The following RBFOX1 variants were observed in gnomAD, a reference collection of about 807,000 sequenced individuals.
RBFOX1 encodes the protein RNA binding fox-1 homolog 1.
RBFOX1 carries 8 observed loss-of-function variants against 57.7 expected under a neutral mutation model. The observed-to-expected ratio is 0.14, with a 90% CI of 0.08 to 0.25. RBFOX1 has a LOEUF of 0.25. Among genes scored for constraint, RBFOX1 ranks in the 10% least tolerant of loss-of-function variants. RBFOX1 has a pLI of 1.00. For missense variants in RBFOX1, 611 were observed against 548.5 expected, an observed-to-expected ratio of 1.11 and a Z score of -1.14; for synonymous variants, 326 against 222.4, an observed-to-expected ratio of 1.47 and a Z score of -4.15.
At chr16:6,771,285 A>G (rs2078248967) in intron 3 of RBFOX1, among the ~76,000 whole-genome samples, 1 of 152,182 alleles carries the variant, frequency 6.6e-6, no homozygotes. Context: ...CACACAGTCT[A>G]CGGTGCTTTG....
intron 4 of RBFOX1, among the ~76,000 whole-genome samples, chr16:7,344,474 T>C (rs1037711327): frequency 4.7e-5 from 7 of 150,528 alleles, no homozygotes; most frequent in African/African-American, 1.2e-4. Context: ...AATATATAAC[T>C]ACATAATGCC....
At chr16:5,955,634 G>A (rs1293933717) in intron 4 of RBFOX1, among the ~76,000 whole-genome samples, 1 of 152,028 alleles carries the variant, frequency 6.6e-6, no homozygotes, top group Non-Finnish European at 1.5e-5. Flanking sequence ...GATGAGCACT[G>A]TTGTTATTAT....
chr16:5,416,834 A>T (rs1316138306), intron 1 of RBFOX1, among the ~76,000 whole-genome samples: 3 of 152,170 alleles, frequency 2.0e-5, no homozygotes, highest in Non-Finnish European at 1.5e-5. Context: ...ATCTACATTC[A>T]GTAAGAGGAG....
intron 3 of RBFOX1, among the ~76,000 whole-genome samples, chr16:5,616,816 C>T (rs1158540149): frequency 6.7e-6 from 1 of 149,896 alleles, no homozygotes; most frequent in Non-Finnish European, 1.5e-5. Context: ...CCCCCTCCTC[C>T]ATCCTCTTCT....
At chr16:5,868,372 A>C (rs1179481012) in intron 4 of RBFOX1, among the ~76,000 whole-genome samples, 1 of 152,220 alleles carries the variant, frequency 6.6e-6, no homozygotes, top group Non-Finnish European at 1.5e-5. Context: ...CAAGTTCAAG[A>C]AATTGCAACC....
chr16:7,642,917 AC>A (rs1258585308), intron 11 of RBFOX1, among the ~76,000 whole-genome samples: 2 of 152,234 alleles, frequency 1.3e-5, no homozygotes, highest in Non-Finnish European at 2.9e-5. Flanking sequence ...GCCGAATGTT[AC>A]AAAAATCCTG....
chr16:7,519,111 A>G (rs768864751), intron 5 of RBFOX1, among the ~76,000 whole-genome samples: 8 of 152,212 alleles, frequency 5.3e-5, no homozygotes, highest in Non-Finnish European at 8.8e-5. Context: ...ACTGATTTTT[A>G]GCATATTTAC....
Position 5,653,834 on chromosome 16 carries a change from G to T in RBFOX1, c.318+54873G>T, listed in dbSNP as rs116404123. Among the ~76,000 whole-genome samples the T allele has an allele frequency of 5.7e-3, 871 of 152,310 alleles. 10 individuals are homozygous for T. The highest frequency in any genetic ancestry group is 0.02 in the African/African-American group (832 of 41,556). On this transcript the variant is annotated intron_variant, in intron 3 of 19. Coordinates refer to the RBFOX1 transcript ENST00000641259. ...TGTGCCCTCTTAGAATGGATGCTGG[G>T]TCAGGGGTCCGTGGCAAACTCAGCC... is the stretch of plus-strand genomic sequence containing the variant.
intron 14 of RBFOX1, among the ~76,000 whole-genome samples, chr16:7,701,515 C>G (rs2080725864): frequency 6.6e-6 from 1 of 152,010 alleles, no homozygotes; most frequent in Non-Finnish European, 1.5e-5. Context: ...GTTTTTTTTC[C>G]TGAAACTATT....
At chr16:6,629,026 T>A (rs1567952037) in intron 2 of RBFOX1, among the ~76,000 whole-genome samples, 1 of 152,128 alleles carries the variant, frequency 6.6e-6, no homozygotes, top group Non-Finnish European at 1.5e-5. Flanking sequence ...TAAGACTCCA[T>A]CTCAAAAAAG....
intron 3 of RBFOX1, among the ~76,000 whole-genome samples, chr16:5,611,740 A>ATCCATCCATCCG: frequency 7.0e-6 from 1 of 143,822 alleles, no homozygotes; most frequent in South Asian, 2.3e-4. Flanking sequence ...CCATCCATCC[A>ATCCATCCATCCG]TCCATCCATT....
At chr16:5,435,401 G>T (rs962922918) in intron 1 of RBFOX1, among the ~76,000 whole-genome samples, 1 of 152,146 alleles carries the variant, frequency 6.6e-6, no homozygotes, top group African/African-American at 2.4e-5. Flanking sequence ...GAATGTGTAG[G>T]AGTGGAGCTT....
intron 4 of RBFOX1, among the ~76,000 whole-genome samples, chr16:7,408,586 G>C (rs1249403733): frequency 6.6e-6 from 1 of 152,172 alleles, no homozygotes; most frequent in Admixed American, 6.5e-5. Context: ...TAACTGACTT[G>C]ATAATTTAAT....
At chr16:7,597,036 AT>A (rs2094738210) in intron 8 of RBFOX1, among the ~76,000 whole-genome samples, 1 of 152,084 alleles carries the variant, frequency 6.6e-6, no homozygotes, top group Non-Finnish European at 1.5e-5. Context: ...TTTAAAAAAT[AT>A]TTCTTGTTTC....
At chr16:5,889,431 G>A (rs2151931804) in intron 4 of RBFOX1, among the ~76,000 whole-genome samples, 1 of 152,274 alleles carries the variant, frequency 6.6e-6, no homozygotes, top group East Asian at 1.9e-4. Context: ...TATTCCATGT[G>A]TCTGTGTGCC....
At chr16:6,899,945 T>C (rs910123842) in intron 3 of RBFOX1, among the ~76,000 whole-genome samples, 1 of 152,176 alleles carries the variant, frequency 6.6e-6, no homozygotes, top group African/African-American at 2.4e-5. Flanking sequence ...TGTTTAGTCT[T>C]AATAGCTGGG....
intron 1 of RBFOX1, among the ~76,000 whole-genome samples, chr16:6,144,203 A>G (rs1052739055): frequency 2.6e-5 from 4 of 152,158 alleles, no homozygotes; most frequent in Admixed American, 2.0e-4. Flanking sequence ...GCCATGGACT[A>G]TAAGTGCTGG....
At chr16:7,290,151 TA>T (rs1212076401) in intron 4 of RBFOX1, among the ~76,000 whole-genome samples, 1 of 152,160 alleles carries the variant, frequency 6.6e-6, no homozygotes, top group African/African-American at 2.4e-5. Flanking sequence ...ATAAGAGAGA[TA>T]AAAGGAGCAG....
At chr16:7,007,353 C>T (rs984237379) in intron 3 of RBFOX1, among the ~76,000 whole-genome samples, 3 of 152,160 alleles carry the variant, frequency 2.0e-5, no homozygotes, top group Admixed American at 6.5e-5. Context: ...GCCATATGTA[C>T]CTCATTGCAG....
Sources: allele counts gnomAD v4.1 joint callset (sites outside exome capture counted in the v4.1 genomes callset), GRCh38; gene constraint gnomAD v4.1.1; transcripts MANE v1.5; gene names NCBI Gene and HGNC (gene_info 2026-07-23, HGNC 2026-07-21).